SNTG1: variants seen among roughly 807,000 people sequenced by gnomAD.
The protein encoded by SNTG1 is gamma-1-syntrophin.
Under a neutral mutation model 74.7 loss-of-function variants are expected in SNTG1, and 39 were observed. The ratio of observed to expected loss-of-function variants is 0.52; its 90% CI spans 0.40 to 0.68. The LOEUF (loss-of-function observed/expected upper bound fraction) is 0.68, where lower values mean the gene tolerates loss of function less well. Among genes scored for constraint, SNTG1 ranks in the 30% least tolerant of loss-of-function variants. The probability of loss-of-function intolerance (pLI) is 0.00; values close to 1 mark genes in which losing one functional copy is unlikely to be tolerated. For missense variants in SNTG1, 685 were observed against 609.5 expected (o/e 1.12, Z -1.30); for synonymous variants, 254 against 217.1 (o/e 1.17, Z -1.49).
intron 2 of SNTG1, among the ~76,000 whole-genome samples, chr8:50,248,659 C>T (rs73577267): frequency 0.017 from 2,650 of 152,072 alleles, 83 homozygotes; most frequent in African/African-American, 0.059. Context: ...CTAGATATAT[C>T]CAGAGACCAC....
intron 2 of SNTG1, among the ~76,000 whole-genome samples, chr8:50,306,527 G>C (rs1290682178): frequency 6.6e-6 from 1 of 152,038 alleles, no homozygotes; most frequent in Non-Finnish European, 1.5e-5. Context: ...GTGTATAAGT[G>C]TTCCTTTTTT....
intron 2 of SNTG1, among the ~76,000 whole-genome samples, chr8:50,195,811 T>C (rs1378337609): frequency 2.6e-5 from 4 of 152,128 alleles, no homozygotes; most frequent in African/African-American, 9.7e-5. Flanking sequence ...AGCAGTTCAC[T>C]TCCTTCAGAG....
chr8:50,430,184 C>T (rs2093217071), intron 4 of SNTG1, among the ~76,000 whole-genome samples: 1 of 152,082 alleles, frequency 6.6e-6, no homozygotes, highest in Non-Finnish European at 1.5e-5. Context: ...ACAACTGTGA[C>T]TATGCTAAAA....
chr8:50,628,979 A>G (rs2094976637), intron 13 of SNTG1, among the ~76,000 whole-genome samples: 1 of 152,136 alleles, frequency 6.6e-6, no homozygotes, highest in Non-Finnish European at 1.5e-5. Context: ...CCACAGAAAG[A>G]CAAGTACTAC....
Position 49,986,977 on chromosome 8 carries a change from T to C in SNTG1, c.-103+74746T>C, listed in dbSNP as rs568211016. ...ATGCTGAGATTAAAATGCAAGAGTATCCCAAAATTCCTAGCTAGAATGAGC... is the reference window on the plus strand; with the variant it reads ...ATGCTGAGATTAAAATGCAAGAGTACCCCAAAATTCCTAGCTAGAATGAGC... On this transcript the variant is annotated intron_variant, in intron 1 of 18. Coordinates refer to ENST00000642720, the MANE Select transcript of SNTG1 (RefSeq NM_018967.5). 3.9e-5 allele frequency among the ~76,000 whole-genome samples: 6 copies of C among 152,314 alleles called. No individual in the cohort carries two copies. The South Asian group carries it at 1.2e-3, about 32-fold the overall frequency.
At chr8:50,318,899 A>G (rs1230857255) in intron 2 of SNTG1, among the ~76,000 whole-genome samples, 1 of 151,962 alleles carries the variant, frequency 6.6e-6, no homozygotes, top group Admixed American at 6.6e-5. Flanking sequence ...TTTCAATTCT[A>G]TAATTCTTAC....
chr8:50,250,530 A>G (rs2086600954), intron 2 of SNTG1, among the ~76,000 whole-genome samples: 3 of 152,162 alleles, frequency 2.0e-5, no homozygotes, highest in Non-Finnish European at 2.9e-5. Context: ...CAAAATGTCA[A>G]AGGTTAAAGA....
At chr8:50,646,631 T>G (rs1003297308) in intron 13 of SNTG1, among the ~76,000 whole-genome samples, 2 of 152,182 alleles carry the variant, frequency 1.3e-5, no homozygotes, top group African/African-American at 2.4e-5. Context: ...ACACCTGAAA[T>G]GCTCCCTCCT....
chr8:49,922,481 G>A (rs188661995), intron 1 of SNTG1, among the ~76,000 whole-genome samples: 1 of 152,038 alleles, frequency 6.6e-6, no homozygotes, highest in African/African-American at 2.4e-5. Context: ...GAGCATTAAT[G>A]GGAGCATTTA....
chr8:50,470,802 C>T (rs2093647013), intron 8 of SNTG1, among the ~76,000 whole-genome samples: 1 of 152,126 alleles, frequency 6.6e-6, no homozygotes, highest in African/African-American at 2.4e-5. Context: ...AGCAAAAGAA[C>T]AAAGCTTCCA....
intron 2 of SNTG1, among the ~76,000 whole-genome samples, chr8:50,178,808 A>T (rs1308652079): frequency 6.6e-6 from 1 of 152,170 alleles, no homozygotes; most frequent in Non-Finnish European, 1.5e-5. Flanking sequence ...TGCCAAAAAG[A>T]CACACTTTCC....
chr8:50,401,432 A>C (rs1282317769), intron 3 of SNTG1, among the ~76,000 whole-genome samples: 1 of 152,218 alleles, frequency 6.6e-6, no homozygotes, highest in African/African-American at 2.4e-5. Context: ...AAATCTTTAC[A>C]GTCTGTTTTC....
At chr8:50,440,779 T>A (rs542559856) in intron 5 of SNTG1, among the ~76,000 whole-genome samples, 1 of 152,186 alleles carries the variant, frequency 6.6e-6, no homozygotes, top group Non-Finnish European at 1.5e-5. Flanking sequence ...AGAAGGAAGA[T>A]GGTATGTTAG....
Position 50,260,967 on chromosome 8 carries a change from G to A in SNTG1, c.-28+88332G>A, listed in dbSNP as rs145925739. 2.6e-5 allele frequency among the ~76,000 whole-genome samples: 4 copies of A among 152,118 alleles called. No individual in the cohort carries two copies. In the East Asian group the frequency reaches 7.7e-4, roughly 29 times the overall value. On this transcript the variant is annotated intron_variant, in intron 2 of 18. Coordinates refer to ENST00000642720, the MANE Select transcript of SNTG1 (RefSeq NM_018967.5). Reference sequence around the variant, plus strand: ...ACTAGAAAGAGAGAGAAAAAAAGGAGCAAAATATTTAAAGCAACAGTTACT... The same window carrying A: ...ACTAGAAAGAGAGAGAAAAAAAGGAACAAAATATTTAAAGCAACAGTTACT...
intron 1 of SNTG1, among the ~76,000 whole-genome samples, chr8:50,099,191 A>T (rs1468085763): frequency 6.6e-6 from 1 of 152,078 alleles, no homozygotes; most frequent in Non-Finnish European, 1.5e-5. Context: ...TCCACTGATG[A>T]TGATATTCTC....
At chr8:50,485,402 CT>C (rs200858444) in intron 8 of SNTG1, among the ~76,000 whole-genome samples, 2,130 of 152,038 alleles carry the variant, frequency 0.014, 35 homozygotes, top group Non-Finnish European at 0.02. Flanking sequence ...TTCTCTTATA[CT>C]TTTTTTTCCT....
chr8:50,146,726 T>C (rs1028899145), intron 1 of SNTG1, among the ~76,000 whole-genome samples: 1 of 152,196 alleles, frequency 6.6e-6, no homozygotes, highest in Admixed American at 6.5e-5. Flanking sequence ...AAGAGTTTTG[T>C]TTAATTTTAG....
At chr8:49,930,903 C>T (rs1807524165) in intron 1 of SNTG1, among the ~76,000 whole-genome samples, 1 of 152,056 alleles carries the variant, frequency 6.6e-6, no homozygotes, top group African/African-American at 2.4e-5. Flanking sequence ...GCAATATATA[C>T]ATTAACACAT....
intron 1 of SNTG1, among the ~76,000 whole-genome samples, chr8:49,959,485 GCTTT>G (rs2129683152): frequency 6.6e-6 from 1 of 152,278 alleles, no homozygotes; most frequent in South Asian, 2.1e-4. Context: ...ACACTAATCT[GCTTT>G]CTGTCTGTAT....
Sources: gnomAD v4.1 joint callset for allele counts (sites outside exome capture counted in the v4.1 genomes callset) on GRCh38, gnomAD v4.1.1 for gene constraint, MANE v1.5 for transcripts, NCBI Gene and HGNC (gene_info 2026-07-23, HGNC 2026-07-21) for gene names.